Variants in RALGPS2 observed in about 807,000 individuals in gnomAD.
The protein encoded by RALGPS2 is Ral GEF with PH domain and SH3 binding motif 2.
In RALGPS2, 43 loss-of-function variants were observed where a neutral mutation model predicts 86.8. That is an observed-to-expected ratio of 0.50 (90% CI 0.39 to 0.64). The LOEUF (loss-of-function observed/expected upper bound fraction) is 0.64. Among genes scored for constraint, RALGPS2 ranks in the 30% least tolerant of loss-of-function variants. The probability of loss-of-function intolerance (pLI) is 0.00; values close to 1 mark genes in which losing one functional copy is unlikely to be tolerated. For synonymous variants in RALGPS2, 243 were observed against 231.3 expected, an observed-to-expected ratio of 1.05 and a Z score of -0.46; for missense variants, 536 against 694.6, an observed-to-expected ratio of 0.77 and a Z score of 2.57.
intron 4 of RALGPS2, among the ~76,000 whole-genome samples, chr1:178,805,750 T>A (rs1209557781): frequency 1.3e-5 from 2 of 152,200 alleles, no homozygotes; most frequent in African/African-American, 2.4e-5. Context: ...ATATAATTCA[T>A]TTCTCCTTCT....
At chr1:178,862,589 TTTTTTTTA>T (rs762057028) in intron 8 of RALGPS2, among the ~76,000 whole-genome samples, 4,345 of 129,478 alleles carry the variant, frequency 0.034, 71 homozygotes, top group African/African-American at 0.043. Flanking sequence ...AGGAGTTGCA[TTTTTTTTA>T]TTTATTTATT....
chr1:178,897,756 T>C lies in RALGPS2; in HGVS notation c.1524T>C (p.His508=), dbSNP rs371638986. Residue 508 remains histidine (H), a splice_region_variant and synonymous_variant, in exon 17 of 20, where the codon CAT becomes CAC. Transcript: ENST00000367635. ...CTCTAAAGGCTACCGAAAGAAAACA[T>C]GTAAGTATTTGTTCTCTACATTTTT... ...AKSLKATERK[H]FKSTSNKNVS... The C allele has an allele frequency of 1.2e-6, 2 of 1,604,744 alleles. No homozygotes were observed. The highest frequency in any genetic ancestry group is 1.3e-5 in the African/African-American group (1 of 74,644).
At chr1:178,730,722 CAA>C (rs1271493308) in intron 1 of RALGPS2, among the ~76,000 whole-genome samples, 1 of 145,954 alleles carries the variant, frequency 6.9e-6, no homozygotes, top group East Asian at 2.0e-4. Flanking sequence ...TTTTTTGAGA[CAA>C]GAGTTTTGCT....
chr1:178,866,834 G>C (rs1291460545), intron 8 of RALGPS2, among the ~76,000 whole-genome samples: 1 of 152,172 alleles, frequency 6.6e-6, no homozygotes, highest in East Asian at 1.9e-4. Flanking sequence ...TGCTGTAGCA[G>C]ATGAGAAATA....
chr1:178,836,208 G>A (rs962998105), intron 8 of RALGPS2, among the ~76,000 whole-genome samples: 1 of 152,218 alleles, frequency 6.6e-6, no homozygotes, highest in Non-Finnish European at 1.5e-5. Context: ...GTTTTCTAGT[G>A]GAGAATATAC....
intron 1 of RALGPS2, chr1:178,747,014 A>T: frequency 1.1e-6 from 1 of 911,496 alleles, no homozygotes; most frequent in Non-Finnish European, 1.8e-6. Flanking sequence ...CCCTTTACAC[A>T]TTTTGCTCCT....
chr1:178,822,671 A>G (rs913016687), intron 7 of RALGPS2, among the ~76,000 whole-genome samples: 2 of 152,092 alleles, frequency 1.3e-5, no homozygotes, highest in Admixed American at 1.3e-4. Flanking sequence ...TATTTTATAG[A>G]AAAACCTTGG....
At chr1:178,757,441 T>C (rs1261032978) in intron 1 of RALGPS2, among the ~76,000 whole-genome samples, 1 of 152,210 alleles carries the variant, frequency 6.6e-6, no homozygotes, top group Non-Finnish European at 1.5e-5. Context: ...CATAGATGGC[T>C]CTTATTATTT....
intron 1 of RALGPS2, among the ~76,000 whole-genome samples, chr1:178,742,850 T>C (rs1217605581): frequency 6.6e-6 from 1 of 152,180 alleles, no homozygotes; most frequent in Non-Finnish European, 1.5e-5. Context: ...TTAAATAATT[T>C]ATGGTTCAAG....
At chr1:178,886,962 C>T (rs893387510) in intron 13 of RALGPS2, among the ~76,000 whole-genome samples, 2 of 152,166 alleles carry the variant, frequency 1.3e-5, no homozygotes, top group Non-Finnish European at 2.9e-5. Context: ...ATGGAAGTGT[C>T]AGGGCATGGC....
intron 6 of RALGPS2, among the ~76,000 whole-genome samples, chr1:178,815,215 G>A (rs1256439006): frequency 3.0e-4 from 45 of 151,864 alleles, no homozygotes; most frequent in Non-Finnish European, 6.2e-4. Context: ...CAAGTAGCTG[G>A]GATTACAGGC....
chr1:178,873,736 C>T (rs1036754587), intron 8 of RALGPS2, among the ~76,000 whole-genome samples: 1 of 152,172 alleles, frequency 6.6e-6, no homozygotes, highest in Non-Finnish European at 1.5e-5. Context: ...TTACAATTGT[C>T]ACACATTAGC....
At position 178,909,643 on chromosome 1, in the gene RALGPS2, A is replaced by ATTTTTTT. The variant is rs57890269; in HGVS notation, c.1722+2794_1722+2800dup. Among the ~76,000 whole-genome samples the ATTTTTTT allele has an allele frequency of 1.3e-3, 92 of 72,370 alleles. 1 individual carries two copies. Among genetic ancestry groups the ATTTTTTT allele is most frequent in the African/African-American group, 4.3e-3 (73 of 16,860 alleles). 47.5% of individuals were successfully genotyped at this position (72,370 alleles called of 152,430 possible). A position where few individuals can be genotyped will look rare whatever the true frequency, so the allele number is the denominator to read the frequency against. ...TTTGTAATTCTCTTTTTCTTTTTTA[A>ATTTTTTT]TTTTTTTTTTTTTTTTTTTTTTTTG... On this transcript the variant is annotated intron_variant, in intron 19 of 19. Coordinates refer to ENST00000367635, the MANE Select transcript of RALGPS2 (RefSeq NM_152663.5).
intron 8 of RALGPS2, among the ~76,000 whole-genome samples, chr1:178,857,690 TATGA>T (rs1253115821): frequency 1.3e-5 from 2 of 152,236 alleles, no homozygotes. Context: ...TTGCTTATTC[TATGA>T]ATATCATTTT....
chr1:178,730,934 G>A (rs1277572909), intron 1 of RALGPS2, among the ~76,000 whole-genome samples: 1 of 152,090 alleles, frequency 6.6e-6, no homozygotes, highest in Non-Finnish European at 1.5e-5. Flanking sequence ...CCAACCTCAA[G>A]TGATTCGCCC....
At chr1:178,866,212 T>A (rs72707222) in intron 8 of RALGPS2, among the ~76,000 whole-genome samples, 6,027 of 152,268 alleles carry the variant, frequency 0.04, 169 homozygotes, top group Middle Eastern at 0.12. Context: ...TGTAAGGCAT[T>A]AATTAAAACA....
chr1:178,847,241 T>G (rs574171858), intron 8 of RALGPS2, among the ~76,000 whole-genome samples: 1 of 151,736 alleles, frequency 6.6e-6, no homozygotes. Context: ...AGGTCAGGAG[T>G]TCGAGACTAG....
intron 8 of RALGPS2, chr1:178,850,949 A>C: frequency 4.3e-6 from 2 of 469,172 alleles, no homozygotes; most frequent in Non-Finnish European, 7.1e-6. Context: ...AATTTTCTGC[A>C]GTAATTGACG....
intron 1 of RALGPS2, among the ~76,000 whole-genome samples, chr1:178,761,775 G>A (rs1652254837): frequency 6.6e-6 from 1 of 152,014 alleles, no homozygotes; most frequent in Non-Finnish European, 1.5e-5. Flanking sequence ...TGGCCAGGCA[G>A]GTCTCAAACT....
Sources: allele counts gnomAD v4.1 joint callset (sites outside exome capture counted in the v4.1 genomes callset), GRCh38; gene constraint gnomAD v4.1.1; transcripts MANE v1.5; gene names NCBI Gene and HGNC (gene_info 2026-07-23, HGNC 2026-07-21).